Variants in PPRC1 observed in about 807,000 individuals in gnomAD.
PPRC1 encodes PPARG related coactivator 1.
PPRC1 carries 23 observed loss-of-function variants against 132.5 expected under a neutral mutation model. The observed-to-expected ratio is 0.17, with a 90% CI of 0.12 to 0.25. The LOEUF is 0.25. Ranked by LOEUF, PPRC1 falls within the 10% of genes least tolerant of loss-of-function variation. PPRC1 has a pLI of 1.00. For synonymous variants in PPRC1, 872 were observed against 833.5 expected (o/e 1.05, Z -0.80); for missense variants, 2,006 against 2,089.1 (o/e 0.96, Z 0.78).
At chr10:102,146,057 CTG>C (rs2069232670) in intron 8 of PPRC1, among the ~76,000 whole-genome samples, 1 of 152,148 alleles carries the variant, frequency 6.6e-6, no homozygotes, top group Non-Finnish European at 1.5e-5. Flanking sequence ...ACAAAACCAA[CTG>C]GGTATGTTTT....
At chr10:102,142,432 T>A (rs1590343040) in intron 5 of PPRC1, among the ~76,000 whole-genome samples, 1 of 77,910 alleles carries the variant, frequency 1.3e-5, no homozygotes. Flanking sequence ...TTTTTTTTTT[T>A]TTTTGAGATG....
chr10:102,139,511 G>A lies in PPRC1; in HGVS notation c.1003G>A (p.Asp335Asn), dbSNP rs1473825783. The change falls in exon 5 of 14, where the codon GAT becomes AAT. Residue 335 changes from aspartate (D) to asparagine (N), a missense_variant. Transcript: ENST00000278070. ...TGAGGATGAGCTTCAGGAGCAGCCA[G>A]ATGATTTGACACTGCCTGAGGGCTG... is the stretch of plus-strand genomic sequence containing the variant. Reference protein sequence around the residue: ...SLEDELQEQPDDLTLPEGCVV... With the variant: ...SLEDELQEQPNDLTLPEGCVV... 1 of 1,614,066 alleles carries A rather than the reference G, an allele frequency of 6.2e-7. No homozygotes were observed. The highest frequency in any genetic ancestry group is 8.5e-7 in the Non-Finnish European group (1 of 1,179,962).
rs368476655 is a variant in PPRC1, at chr10:102,149,978, T to C, written c.4944T>C (p.Ser1648=). 1 of 1,613,752 alleles carries C rather than the reference T, an allele frequency of 6.2e-7. No individual in the cohort carries two copies. The highest frequency in any genetic ancestry group is 1.3e-5 in the African/African-American group (1 of 74,888). ...CACCTGTAAAGAGCAAATTTGATTC[T>C]CTTGACTTTGACACATTGTTGAAAC... ...DPAPVKSKFD[S]LDFDTLLKQA... Residue 1648 remains serine, a synonymous_variant, in exon 14 of 14, where the codon TCT becomes TCC. Transcript: ENST00000278070.
chr10:102,120,903 G>T, the PPRC1 span, among the ~76,000 whole-genome samples: 1 of 152,156 alleles, frequency 6.6e-6, no homozygotes, highest in African/African-American at 2.4e-5. Context: ...CCCCCTGTCC[G>T]TGCTCCCTGC....
At chr10:102,144,147 G>A in intron 6 of PPRC1, 103 bp from the exon 7 acceptor site, 1 of 1,106,308 alleles carries the variant, frequency 9.0e-7, no homozygotes, top group Non-Finnish European at 1.4e-6. Context: ...GGAATATGTA[G>A]GCAAAGTGGA....
At chr10:102,124,071 CT>C in the PPRC1 span, among the ~76,000 whole-genome samples, 290 of 140,396 alleles carry the variant, frequency 2.1e-3, no homozygotes, top group Non-Finnish European at 2.1e-3. Flanking sequence ...AAACTTTATT[CT>C]TTTTTTTTTT....
In PPRC1 at chr10:102,145,180, A is replaced by G. The variant is rs1235554971; in HGVS notation, c.3679+90A>G. The stretch of plus-strand genomic sequence containing the variant: ...CCAAATCCATTGTGTGTAGGCGTTA[A>G]GGACATAGAGATCTGATCTCCAGCC... On this transcript the variant is annotated intron_variant, in intron 8 of 13. Transcript: ENST00000278070. 2.4e-6 allele frequency: 3 copies of G among 1,237,386 alleles called. No homozygotes were observed. The Admixed American group carries it at 6.5e-5, about 27-fold the overall frequency. 76.7% of individuals were successfully genotyped at this position (1,237,386 alleles called of 1,614,324 possible). A position where few individuals can be genotyped will look rare whatever the true frequency, so the allele number is the denominator to read the frequency against.
At chr10:102,133,316 G>C (rs1031865335) in intron 1 of PPRC1, 95 bp downstream of exon 1, 20 of 1,108,902 alleles carry the variant, frequency 1.8e-5, no homozygotes, top group Middle Eastern at 3.3e-4. Context: ...AAGCGCCTGA[G>C]AGTCGATGCC....
In PPRC1 at chr10:102,146,903, C is replaced by A. The variant is rs777333443; in HGVS notation, c.3911C>A (p.Thr1304Asn). The A allele has an allele frequency of 2.2e-5, 36 of 1,613,724 alleles. No individual in the cohort carries two copies. Among genetic ancestry groups the A allele is most frequent in the Non-Finnish European group, 2.9e-5 (34 of 1,179,942 alleles). ...GDHDYCVRSRTPPKKMPALVI... is the reference protein window; with the variant it reads ...GDHDYCVRSRNPPKKMPALVI... ...CATGACTATTGTGTCCGGAGCAGGA[C>A]CCCCCCAAAAAAGATGCCTGCCCTA... is the stretch of plus-strand genomic sequence containing the variant. The change falls in exon 9 of 14, where the codon ACC becomes AAC. Residue 1304 changes from threonine to asparagine, a missense_variant. Thr to Asn is a moderately conservative substitution (Grantham distance 65). Around this residue, in one of 2 missense-constraint regions of PPRC1, gnomAD observed 1,914 missense variants for 1,917.2 expected, o/e 1.00. Transcript: ENST00000278070.
Position 102,139,026 on chromosome 10 carries a change from G to T in PPRC1, c.591+46G>T, listed in dbSNP as rs2068834483. 3 of 1,602,114 alleles carry T rather than the reference G, an allele frequency of 1.9e-6. No individual in the cohort carries two copies. In the African/African-American group the frequency reaches 4.0e-5, roughly 21 times the overall value. Reference sequence around the variant, plus strand: ...TTCAGAAACTCCCAGGTGGGAGGAGGAGTGTGTGGGGACAGGTCTGGAAAA... The same window carrying T: ...TTCAGAAACTCCCAGGTGGGAGGAGTAGTGTGTGGGGACAGGTCTGGAAAA... On this transcript the variant is annotated intron_variant, in intron 4 of 13. Transcript: ENST00000278070.
In PPRC1 at chr10:102,140,748, G is replaced by A. The variant is rs772802236; in HGVS notation, c.2240G>A (p.Arg747Lys). The A allele has an allele frequency of 1.2e-5, 20 of 1,613,882 alleles. No individual in the cohort carries two copies. Among genetic ancestry groups the A allele is most frequent in the Middle Eastern group, 1.6e-4 (1 of 6,084 alleles). The change falls in exon 5 of 14, where the codon AGA becomes AAA. Residue 747 changes from arginine to lysine, a missense_variant. Around this residue, in one of 2 missense-constraint regions of PPRC1, gnomAD observed 1,914 missense variants for 1,917.2 expected, o/e 1.00. Coordinates refer to ENST00000278070, the MANE Select transcript of PPRC1 (RefSeq NM_015062.5). ...SGTSATTHEA[R>K]PRPLSLSEYR... is the part of the protein sequence containing the mutation. ...ACCAGTGCTACAACCCATGAAGCCA[G>A]ACCTCGGCCTCTCAGCTTATCTGAG...
chr10:102,132,244 C>T (rs1378618965), upstream of PPRC1, among the ~76,000 whole-genome samples: 2 of 152,126 alleles, frequency 1.3e-5, no homozygotes, highest in Non-Finnish European at 2.9e-5. Context: ...AATTTTTGTG[C>T]TTTGTAAAAA....
At chr10:102,149,033 A>T (rs1001106011) in intron 12 of PPRC1, 95 bp downstream of exon 12, 7 of 1,549,474 alleles carry the variant, frequency 4.5e-6, no homozygotes, top group Non-Finnish European at 5.2e-6. Context: ...TGTGCTGAGC[A>T]ATATGGGGCA....
rs1027823359 is a variant in PPRC1 at position 102,133,211 on chromosome 10, G to A, written c.143G>A (p.Gly48Asp). ...TATGGGACTTTGGGCGCTGTGAGCG[G>A]CGGCGAGCAGGTGAGAGGTTGGCTG... is the stretch of plus-strand genomic sequence containing the variant. Reference protein sequence around the residue: ...APYGTLGAVSGGEQVLLHEEA... With the variant: ...APYGTLGAVSDGEQVLLHEEA... Residue 48 changes from glycine to aspartate, a missense_variant, in exon 1 of 14, where the codon GGC (glycine) becomes GAC (aspartate). Around this residue, in one of 2 missense-constraint regions of PPRC1, gnomAD observed 1,914 missense variants for 1,917.2 expected, o/e 1.00. Coordinates refer to ENST00000278070, the MANE Select transcript of PPRC1 (RefSeq NM_015062.5). The A allele has an allele frequency of 2.3e-6, 3 of 1,282,300 alleles. No individual in the cohort carries two copies. The African/African-American group carries it at 4.6e-5, about 19-fold the overall frequency. 79.4% of individuals were successfully genotyped at this position (1,282,300 alleles called of 1,614,324 possible). A position where few individuals can be genotyped will look rare whatever the true frequency, so the allele number is the denominator to read the frequency against.
At chr10:102,146,350 C>T (rs2069244644) in intron 8 of PPRC1, among the ~76,000 whole-genome samples, 1 of 152,092 alleles carries the variant, frequency 6.6e-6, no homozygotes, top group African/African-American at 2.4e-5. Context: ...AGGAAAGATG[C>T]AGCCTAGAAG....
chr10:102,126,369 CCAAA>C, the PPRC1 span, among the ~76,000 whole-genome samples: 1 of 150,860 alleles, frequency 6.6e-6, no homozygotes, highest in East Asian at 1.9e-4. Context: ...GAATCTTTCT[CCAAA>C]CAGACAGCAG....
chr10:102,122,202 CCAGA>C, the PPRC1 span, among the ~76,000 whole-genome samples: 1 of 152,116 alleles, frequency 6.6e-6, no homozygotes, highest in Non-Finnish European at 1.5e-5. Context: ...CTGCATTCTC[CCAGA>C]CAAAGGTCAG....
At chr10:102,145,714 A>G (rs932939215) in intron 8 of PPRC1, among the ~76,000 whole-genome samples, 5 of 150,742 alleles carry the variant, frequency 3.3e-5, no homozygotes, top group Non-Finnish European at 7.4e-5. Flanking sequence ...AATACAAAAA[A>G]ATTAGCCGGG....
chr10:102,121,274 C>T, the PPRC1 span, among the ~76,000 whole-genome samples: 1 of 152,074 alleles, frequency 6.6e-6, no homozygotes, highest in African/African-American at 2.4e-5. Context: ...GCCTTGGTGC[C>T]TTCACCTCCG....
Sources: allele counts gnomAD v4.1 joint callset (sites outside exome capture counted in the v4.1 genomes callset), GRCh38; gene constraint gnomAD v4.1.1; regional missense constraint gnomAD v4.1.1; transcripts MANE v1.5; gene names NCBI Gene and HGNC (gene_info 2026-07-23, HGNC 2026-07-21).